The following PPP1R9A variants were observed in gnomAD, a reference collection of about 807,000 sequenced individuals.
PPP1R9A encodes the protein neurabin-1.
In PPP1R9A, 59 loss-of-function variants were observed where a neutral mutation model predicts 141.9. The ratio of observed to expected loss-of-function variants is 0.42; its 90% CI spans 0.34 to 0.52. The LOEUF (loss-of-function observed/expected upper bound fraction) is 0.52. PPP1R9A is among the 20% of genes least tolerant of loss of function. The pLI is 0.10. For synonymous variants in PPP1R9A, 500 were observed against 569.7 expected, an observed-to-expected ratio of 0.88 and a Z score of 1.74; for missense variants, 1,444 against 1,611.9, an observed-to-expected ratio of 0.90 and a Z score of 1.78.
chr7:95,257,096 C>G (rs1381122458), intron 12 of PPP1R9A, among the ~76,000 whole-genome samples: 1 of 151,982 alleles, frequency 6.6e-6, no homozygotes, highest in Non-Finnish European at 1.5e-5. Flanking sequence ...AATTGCTTGG[C>G]CCAGAATAGG....
chr7:94,951,787 A>G (rs1563037413), intron 2 of PPP1R9A, among the ~76,000 whole-genome samples: 1 of 151,258 alleles, frequency 6.6e-6, no homozygotes, highest in African/African-American at 2.4e-5. Flanking sequence ...TTGTAATACT[A>G]GATTGGTTTG....
chr7:95,101,523 C>CT (rs1376476425), intron 2 of PPP1R9A, among the ~76,000 whole-genome samples: 2 of 152,180 alleles, frequency 1.3e-5, no homozygotes, highest in Non-Finnish European at 2.9e-5. Flanking sequence ...ACTGAAAGGT[C>CT]TTGCCTCCGC....
chr7:95,160,550 G>C (rs868373081), intron 4 of PPP1R9A, among the ~76,000 whole-genome samples: 3 of 151,276 alleles, frequency 2.0e-5, no homozygotes, highest in Admixed American at 6.6e-5. Flanking sequence ...TGATTCAGGG[G>C]GTACATGTGC....
chr7:95,213,171 T>G (rs1413348479), intron 7 of PPP1R9A, among the ~76,000 whole-genome samples: 3 of 152,158 alleles, frequency 2.0e-5, no homozygotes, highest in African/African-American at 7.2e-5. Flanking sequence ...TGTTTCAGAT[T>G]ATCTTTCCAA....
chr7:95,152,136 G>A (rs1563319606), intron 4 of PPP1R9A, among the ~76,000 whole-genome samples: 1 of 151,586 alleles, frequency 6.6e-6, no homozygotes, highest in Admixed American at 6.6e-5. Flanking sequence ...ATTTTTAGTA[G>A]AGACGGGGTT....
At chr7:95,207,782 G>C (rs1380899708) in intron 7 of PPP1R9A, among the ~76,000 whole-genome samples, 1 of 152,128 alleles carries the variant, frequency 6.6e-6, no homozygotes, top group Non-Finnish European at 1.5e-5. Flanking sequence ...CAACTTTGCT[G>C]AATACATAAT....
chr7:95,163,903 T>A (rs28529612), intron 5 of PPP1R9A, among the ~76,000 whole-genome samples: 1,801 of 152,282 alleles, frequency 0.012, 21 homozygotes, highest in Middle Eastern at 0.027. Flanking sequence ...CACATCCAGC[T>A]AATTTTGTAT....
intron 5 of PPP1R9A, among the ~76,000 whole-genome samples, chr7:95,190,113 A>G (rs1835280952): frequency 6.6e-6 from 1 of 152,098 alleles, no homozygotes; most frequent in Non-Finnish European, 1.5e-5. Flanking sequence ...TTGCCACATT[A>G]CCAGAATTAC....
At chr7:94,918,389 G>T (rs997825810) in intron 2 of PPP1R9A, among the ~76,000 whole-genome samples, 1 of 152,024 alleles carries the variant, frequency 6.6e-6, no homozygotes, top group African/African-American at 2.4e-5. Context: ...TATTACTTTG[G>T]AAGGTAAAAG....
At position 95,290,493 on chromosome 7, in the gene PPP1R9A, A is replaced by G. The variant is rs1162526065; in HGVS notation, c.*190A>G. ...TGCACTCTTAATTTTAACTACTAAA[A>G]TAATCCCAAGCCACCTTTGGTTCAT... is the stretch of plus-strand genomic sequence containing the variant. On this transcript the variant is annotated 3_prime_UTR_variant, in exon 20 of 20. Transcript: ENST00000433360. The G allele has an allele frequency of 3.2e-6, 2 of 629,352 alleles. No homozygotes were observed. The highest frequency in any genetic ancestry group is 3.7e-5 in the African/African-American group (2 of 54,462). The allele number at this position is 629,352 out of a possible 1,614,324, so 39.0% of individuals were successfully genotyped here. A position where few individuals can be genotyped will look rare whatever the true frequency, so the allele number is the denominator to read the frequency against.
chr7:94,943,181 T>A (rs771170772), intron 2 of PPP1R9A, among the ~76,000 whole-genome samples: 2 of 152,214 alleles, frequency 1.3e-5, no homozygotes, highest in Non-Finnish European at 2.9e-5. Context: ...AATAATTTCA[T>A]AAGTATTTTT....
intron 7 of PPP1R9A, among the ~76,000 whole-genome samples, chr7:95,218,189 A>C (rs557617068): frequency 6.6e-6 from 1 of 152,310 alleles, no homozygotes; most frequent in Admixed American, 6.5e-5. Flanking sequence ...ATTGGTTTCA[A>C]AGAACATCAT....
chr7:94,910,789 A>G lies in PPP1R9A; in HGVS notation c.676A>G (p.Asn226Asp), dbSNP rs1791361830. Reference sequence around the variant, plus strand: ...CATCATTTCTGAGAAGGCTGAAAACAATGAATACTCAGTGACTGGGCATTA... The same window carrying G: ...CATCATTTCTGAGAAGGCTGAAAACGATGAATACTCAGTGACTGGGCATTA... ...SAIISEKAEN[N>D]EYSVTGHYPL... is the part of the protein sequence containing the mutation. The change falls in exon 2 of 20, where the codon AAT (asparagine) becomes GAT (aspartate). Residue 226 changes from asparagine to aspartate, a missense_variant. Transcript: ENST00000433360. This position sits in a 1 kb window ranked among gnomAD's most constrained non-coding sequence, Gnocchi z 4.5. 5 of 1,613,906 alleles carry G rather than the reference A, an allele frequency of 3.1e-6. No individual in the cohort carries two copies. The South Asian group carries it at 5.5e-5, about 18-fold the overall frequency.
rs1806389471 is a variant in PPP1R9A, at chr7:95,291,742, C to G, written c.*1439C>G. 1 of 152,056 alleles carries G rather than the reference C, an allele frequency of 6.6e-6. No homozygotes were observed. Among genetic ancestry groups the G allele is most frequent in the Non-Finnish European group, 1.5e-5 (1 of 68,010 alleles). 9.4% of individuals were successfully genotyped at this position (152,056 alleles called of 1,614,324 possible). The stretch of plus-strand genomic sequence containing the variant: ...ACAAGTTTCAGAATAAGACTTGAGG[C>G]CACATGAATTCTTGGACAGTATTTT... On this transcript the variant is annotated 3_prime_UTR_variant, in exon 20 of 20. Transcript: ENST00000433360.
chr7:94,910,782 T>C lies in PPP1R9A; in HGVS notation c.669T>C (p.Ala223=), dbSNP rs1412546914. The change falls in exon 2 of 20, where the codon GCT becomes GCC. Residue 223 remains alanine, a synonymous_variant. Coordinates refer to ENST00000433360, the MANE Select transcript of PPP1R9A (RefSeq NM_001166160.2). This position sits in a 1 kb window ranked among gnomAD's most constrained non-coding sequence, Gnocchi z 4.5. ...DSPSAIISEK[A]ENNEYSVTGH... ...CCAGTGCCATCATTTCTGAGAAGGC[T>C]GAAAACAATGAATACTCAGTGACTG... 2 of 1,613,916 alleles carry C rather than the reference T, an allele frequency of 1.2e-6. No homozygotes were observed. The highest frequency in any genetic ancestry group is 2.7e-5 in the African/African-American group (2 of 74,944).
chr7:95,129,563 G>T (rs1824207111), intron 4 of PPP1R9A, among the ~76,000 whole-genome samples: 2 of 152,208 alleles, frequency 1.3e-5, no homozygotes, highest in African/African-American at 4.8e-5. Context: ...ACCTGAAAAT[G>T]TGGAAGCGAC....
In PPP1R9A at chr7:95,252,115, G is replaced by C. The variant is rs370379973; in HGVS notation, c.2650G>C (p.Asp884His). 56 of 1,597,238 alleles carry C rather than the reference G, an allele frequency of 3.5e-5. No individual in the cohort carries two copies. The highest frequency in any genetic ancestry group is 4.4e-5 in the Non-Finnish European group (52 of 1,175,224). Residue 884 changes from aspartate to histidine, a missense_variant, in exon 12 of 20, where the codon GAT (aspartate) becomes CAT (histidine). Asp to His is a moderately conservative substitution (Grantham distance 81). Coordinates refer to ENST00000433360, the MANE Select transcript of PPP1R9A (RefSeq NM_001166160.2). ...GGATGGCAAGCAGACATCTTGCCAA[G>C]ATGGCCTAAGTCAAGGTTTGTTTAA... Reference protein sequence around the residue: ...NLDGKQTSCQDGLSQDLNEAV... With the variant: ...NLDGKQTSCQHGLSQDLNEAV...
chr7:95,184,121 AG>A (rs1383126801), intron 5 of PPP1R9A, among the ~76,000 whole-genome samples: 1 of 152,226 alleles, frequency 6.6e-6, no homozygotes, highest in Non-Finnish European at 1.5e-5. Flanking sequence ...TCAGCAAACT[AG>A]TGAAAGTGGC....
chr7:95,136,824 A>G (rs920683461), intron 4 of PPP1R9A, among the ~76,000 whole-genome samples: 2 of 152,204 alleles, frequency 1.3e-5, no homozygotes, highest in Non-Finnish European at 2.9e-5. Flanking sequence ...TAGCTATAAG[A>G]CCCAAGAAGT....
Sources: allele counts gnomAD v4.1 joint callset (sites outside exome capture counted in the v4.1 genomes callset), GRCh38; gene constraint gnomAD v4.1.1; non-coding constraint Gnocchi (gnomAD v3.1); transcripts MANE v1.5; gene names NCBI Gene and HGNC (gene_info 2026-07-23, HGNC 2026-07-21).